The following C1orf94 variants were observed in gnomAD, a reference collection of about 807,000 sequenced individuals.
C1orf94 encodes chromosome 1 open reading frame 94.
C1orf94 carries 45 observed loss-of-function variants against 53.6 expected under a neutral mutation model. The observed-to-expected ratio is 0.84, with a 90% CI of 0.66 to 1.08. The LOEUF is 1.08. C1orf94 is among the 50% of genes least tolerant of loss of function. C1orf94 has a pLI of 0.00. For synonymous variants in C1orf94, 304 were observed against 296.1 expected, an observed-to-expected ratio of 1.03 and a Z score of -0.27; for missense variants, 762 against 738.9, an observed-to-expected ratio of 1.03 and a Z score of -0.36.
chr1:34,191,169 C>T (rs147070828), intron 1 of C1orf94, among the ~76,000 whole-genome samples: 1 of 152,140 alleles, frequency 6.6e-6, no homozygotes, highest in African/African-American at 2.4e-5. Context: ...GAGGGAACTA[C>T]CAAAGAGTAT....
At chr1:34,200,581 C>A (rs981778189) in intron 2 of C1orf94, among the ~76,000 whole-genome samples, 191 bp from the exon 3 acceptor site, 1 of 151,860 alleles carries the variant, frequency 6.6e-6, no homozygotes, top group Admixed American at 6.6e-5. Flanking sequence ...TGCATGAGAT[C>A]GGGGGGCAGG....
chr1:34,217,182 C>T (rs1184564763), intron 6 of C1orf94, among the ~76,000 whole-genome samples: 1 of 152,194 alleles, frequency 6.6e-6, no homozygotes, highest in Non-Finnish European at 1.5e-5. Flanking sequence ...GCAACTCAAG[C>T]TCCTCCTCCT....
intron 4 of C1orf94, among the ~76,000 whole-genome samples, 179 bp from the exon 5 acceptor site, chr1:34,207,978 C>T (rs558518967): frequency 6.6e-6 from 1 of 152,300 alleles, no homozygotes; most frequent in Admixed American, 6.5e-5. Context: ...GAGGGGCTTC[C>T]TGTGTGATGT....
chr1:34,174,596 A>T (rs1430043568), upstream of C1orf94, among the ~76,000 whole-genome samples: 1 of 152,238 alleles, frequency 6.6e-6, no homozygotes, highest in Non-Finnish European at 1.5e-5. Context: ...TGATTAGGAC[A>T]GGGACACATA....
chr1:34,168,135 G>C (rs953048168), intron 1 of C1orf94, among the ~76,000 whole-genome samples: 1 of 152,114 alleles, frequency 6.6e-6, no homozygotes, highest in Non-Finnish European at 1.5e-5. Flanking sequence ...AGATGGCAAC[G>C]GTGGAAGATG....
intron 4 of C1orf94, among the ~76,000 whole-genome samples, chr1:34,207,546 G>A (rs1000142102): frequency 6.6e-6 from 1 of 152,118 alleles, no homozygotes; most frequent in Non-Finnish European, 1.5e-5. Context: ...ATATGGATGG[G>A]CACATAGATA....
At chr1:34,184,863 G>A (rs905972798) in intron 1 of C1orf94, among the ~76,000 whole-genome samples, 1 of 151,830 alleles carries the variant, frequency 6.6e-6, no homozygotes, top group Non-Finnish European at 1.5e-5. Flanking sequence ...TCTTTAAAAA[G>A]CTTGAAACCT....
chr1:34,205,808 G>A (rs757255898), intron 4 of C1orf94, among the ~76,000 whole-genome samples: 10 of 152,080 alleles, frequency 6.6e-5, no homozygotes, highest in Admixed American at 2.6e-4. Context: ...TGTGGTAGGA[G>A]GACTCAGAGA....
chr1:34,188,800 A>C (rs909913087), intron 1 of C1orf94, among the ~76,000 whole-genome samples: 5 of 152,192 alleles, frequency 3.3e-5, no homozygotes, highest in Admixed American at 1.3e-4. Context: ...CTATCAGGAA[A>C]GTCCCAGGAG....
intron 5 of C1orf94, among the ~76,000 whole-genome samples, chr1:34,211,456 G>A (rs297790): frequency 0.036 from 5,509 of 152,146 alleles, 238 homozygotes; most frequent in African/African-American, 0.11. Flanking sequence ...GGGCAATCTC[G>A]GAAGCACCAC....
rs1441823908 is a variant in C1orf94, at chr1:34,202,096, T to A, written c.1283T>A (p.Val428Glu). The A allele has an allele frequency of 6.2e-7, 1 of 1,613,698 alleles. No individual in the cohort carries two copies. Among genetic ancestry groups the A allele is most frequent in the East Asian group, 2.2e-5 (1 of 44,870 alleles). The change falls in exon 4 of 7, where the codon GTG becomes GAG. Residue 428 changes from valine to glutamate, a missense_variant. By Grantham distance (121) the Val-to-Glu change is moderately radical. Transcript: ENST00000488417. ...DGPELKFNAP[V>E]TVADKNNPKY... ...CTGTGACTTGCAGTTAACGCACCTG[T>A]GACGGTTGCTGACAAGAACAACCCG...
chr1:34,189,866 G>A (rs1224550988), intron 1 of C1orf94, among the ~76,000 whole-genome samples: 4 of 152,254 alleles, frequency 2.6e-5, no homozygotes, highest in Admixed American at 2.0e-4. Flanking sequence ...GAGAAGGGAA[G>A]CGAATTGTAG....
Position 34,196,718 on chromosome 1 carries a change from C to A in C1orf94, c.321-507C>A, listed in dbSNP as rs147541356. ...GGAGTTGACTGGATCAGGGTGTAAG[C>A]TTAGGCTGTCCACTCCACCATTCTG... On this transcript the variant is annotated intron_variant, in intron 1 of 6. Transcript: ENST00000488417. Among the ~76,000 whole-genome samples, 535 of 152,262 alleles carry A rather than the reference C, an allele frequency of 3.5e-3. 3 individuals carry two copies. The highest frequency in any genetic ancestry group is 0.027 in the South Asian group (132 of 4,828).
rs116125140 is a variant in C1orf94, at chr1:34,189,554, A to G, written c.321-7671A>G. On this transcript the variant is annotated intron_variant, in intron 1 of 6. Transcript: ENST00000488417. The stretch of plus-strand genomic sequence containing the variant: ...CCAGAGAAATAGGTATCTGTCAGAG[A>G]ACATGGGTCTCTGATCCCTATGCAG... Among the ~76,000 whole-genome samples, 874 of 152,306 alleles carry G rather than the reference A, an allele frequency of 5.7e-3. 13 individuals carry two copies. The highest frequency in any genetic ancestry group is 0.02 in the African/African-American group (847 of 41,564).
rs1490880689 is a variant in C1orf94 at position 34,197,878 on chromosome 1, A to G, written c.974A>G (p.Lys325Arg). 1 of 1,613,986 alleles carries G rather than the reference A, an allele frequency of 6.2e-7. No homozygotes were observed. The highest frequency in any genetic ancestry group is 8.5e-7 in the Non-Finnish European group (1 of 1,179,988). The part of the protein sequence containing the change: ...PVFAKICSKP[K>R]ADPAVERHHL... ...TTTGCCAAGATCTGTTCCAAGCCCA[A>G]GGCTGACCCTGCTGTGGAGAGGCAC... is the stretch of plus-strand genomic sequence containing the variant. The change falls in exon 2 of 7, where the codon AAG (lysine) becomes AGG (arginine). Residue 325 changes from lysine (K) to arginine (R), a missense_variant. Transcript: ENST00000488417. This position sits in a 1 kb window ranked among gnomAD's most constrained non-coding sequence, Gnocchi z 4.1.
Position 34,210,487 on chromosome 1 carries a change from C to T in C1orf94, c.1525-1723C>T, listed in dbSNP as rs562021754. Among the ~76,000 whole-genome samples the T allele has an allele frequency of 1.2e-4, 19 of 152,294 alleles. No homozygotes were observed. The South Asian group carries it at 1.7e-3, about 13-fold the overall frequency. On this transcript the variant is annotated intron_variant, in intron 5 of 6. Transcript: ENST00000488417. Reference sequence around the variant, plus strand: ...GCTGGGGTTCTGACCACAACTCAGACGCTGGAAACACTGAGAAAGTTGCTT... The same window carrying T: ...GCTGGGGTTCTGACCACAACTCAGATGCTGGAAACACTGAGAAAGTTGCTT...
intron 6 of C1orf94, among the ~76,000 whole-genome samples, chr1:34,215,201 G>A (rs76411160): frequency 0.054 from 8,190 of 152,148 alleles, 626 homozygotes; most frequent in African/African-American, 0.17. Flanking sequence ...CATACATTTC[G>A]GGGATGAGCC....
At chr1:34,213,745 TG>T in intron 6 of C1orf94, among the ~76,000 whole-genome samples, 1 of 152,282 alleles carries the variant, frequency 6.6e-6, no homozygotes, top group South Asian at 2.1e-4. Flanking sequence ...TTCACCATGT[TG>T]GCCAGGCTGG....
At chr1:34,205,841 A>G (rs531798041) in intron 4 of C1orf94, among the ~76,000 whole-genome samples, 3 of 152,262 alleles carry the variant, frequency 2.0e-5, no homozygotes, top group Admixed American at 6.5e-5. Context: ...AGTCCCCAAC[A>G]CCGAGGAGCT....
Sources: gnomAD v4.1 joint callset for allele counts (sites outside exome capture counted in the v4.1 genomes callset) on GRCh38, gnomAD v4.1.1 for gene constraint, Gnocchi (gnomAD v3.1) non-coding constraint, MANE v1.5 for transcripts, NCBI Gene and HGNC (gene_info 2026-07-23, HGNC 2026-07-21) for gene names.